KRR1: variants seen among roughly 807,000 people sequenced by gnomAD.
The protein encoded by KRR1 is KRR1 small subunit processome component, also known as KRR1 small subunit processome component homolog.
A neutral mutation model predicts 50.0 loss-of-function variants in KRR1; 23 were observed. That is an observed-to-expected ratio of 0.46 (90% CI 0.33 to 0.65). The LOEUF (loss-of-function observed/expected upper bound fraction) is 0.65. KRR1 is among the 30% of genes least tolerant of loss of function. The pLI is 0.02. For missense variants in KRR1, 419 were observed against 442.4 expected (o/e 0.95, Z 0.47); for synonymous variants, 133 against 146.3 (o/e 0.91, Z 0.66).
At chr12:75,502,285 T>C in intron 7 of KRR1, 1 of 265,314 alleles carries the variant, frequency 3.8e-6, no homozygotes, top group Non-Finnish European at 7.1e-6. Flanking sequence ...AGAGAGAGTT[T>C]TGGGGAAAAT....
chr12:75,502,121 T>C (rs2046398651), intron 7 of KRR1, 121 bp from the exon 8 acceptor site: 7 of 780,948 alleles, frequency 9.0e-6, no homozygotes, highest in Non-Finnish European at 1.5e-5. Flanking sequence ...TTAATAAAAA[T>C]GGTAGTGACA....
intron 9 of KRR1, chr12:75,501,037 A>T (rs1485907975): frequency 6.6e-6 from 1 of 152,096 alleles, no homozygotes; most frequent in Non-Finnish European, 1.5e-5. Context: ...GTCTATGTAC[A>T]ATATTGCTGG....
chr12:75,503,219 T>C (rs1287165123), intron 7 of KRR1: 1 of 152,114 alleles, frequency 6.6e-6, no homozygotes, highest in East Asian at 1.9e-4. Context: ...AATATTTCAA[T>C]AAAATGCAAT....
Position 75,506,606 on chromosome 12 carries a change from C to CT in KRR1, c.396dup (p.Val133SerfsTer7), listed in dbSNP as rs2046422910. 1 of 1,466,912 alleles carries CT rather than the reference C, an allele frequency of 6.8e-7. No homozygotes were observed. Among genetic ancestry groups the CT allele is most frequent in the African/African-American group, 1.9e-5 (1 of 53,418 alleles). 90.9% of individuals were successfully genotyped at this position (1,466,912 alleles called of 1,614,324 possible). A position where few individuals can be genotyped will look rare whatever the true frequency, so the allele number is the denominator to read the frequency against. On this transcript the variant is annotated frameshift_variant, in exon 4 of 10. Transcript: ENST00000229214. LOFTEE classifies it high-confidence loss of function. ...GCAACATCATCCTGAAGAATTCGTA[C>CT]TGCCTTTTGCAAAAAAAAAAAAAAA...
chr12:75,508,197 G>T, intron 2 of KRR1, 77 bp downstream of exon 2: 3 of 845,966 alleles, frequency 3.5e-6, no homozygotes, highest in South Asian at 2.9e-5. Flanking sequence ...AAAAAAAAAA[G>T]CATTAGCATA....
Position 75,498,607 on chromosome 12 carries a change from T to C in KRR1, c.*1202A>G. ...TAAAGCCAAAGCAAGTTAATGGTCA[T>C]AATTATAAGACTTAGCTTTTTAAAA... On this transcript the variant is annotated 3_prime_UTR_variant, in exon 10 of 10. Coordinates refer to ENST00000229214, the MANE Select transcript of KRR1 (RefSeq NM_007043.7). 2 of 1,081,330 alleles carry C rather than the reference T, an allele frequency of 1.8e-6. No homozygotes were observed. Among genetic ancestry groups the C allele is most frequent in the East Asian group, 2.4e-5 (1 of 41,516 alleles). The allele number at this position is 1,081,330 out of a possible 1,614,324, so 67.0% of individuals were successfully genotyped here.
chr12:75,504,347 A>C lies in KRR1; in HGVS notation c.661-273T>G, dbSNP rs2046412685. 1.4e-5 allele frequency: 3 copies of C among 217,462 alleles called. No homozygotes were observed. The East Asian group carries it at 3.0e-4, about 21-fold the overall frequency. 13.5% of individuals were successfully genotyped at this position (217,462 alleles called of 1,614,324 possible). A position where few individuals can be genotyped will look rare whatever the true frequency, so the allele number is the denominator to read the frequency against. On this transcript the variant is annotated intron_variant, in intron 6 of 9. Transcript: ENST00000229214. ...CAACCATTATTTCATTAAAACATTT[A>C]AAATGCCACTTATAAAAGCAGGGAG... is the stretch of plus-strand genomic sequence containing the variant.
chr12:75,501,517 T>C (rs1261665284), intron 9 of KRR1: 4 of 531,492 alleles, frequency 7.5e-6, no homozygotes, highest in Non-Finnish European at 1.3e-5. Flanking sequence ...GAGAGGACTG[T>C]CAATCCAGTT....
In KRR1 at chr12:75,498,311, A is replaced by T. The variant is rs1367987868; in HGVS notation, c.*1498T>A. On this transcript the variant is annotated 3_prime_UTR_variant, in exon 10 of 10. Coordinates refer to ENST00000229214, the MANE Select transcript of KRR1 (RefSeq NM_007043.7). The stretch of plus-strand genomic sequence containing the variant: ...GTCACTGTCTTTTCACTATGGATTC[A>T]TCATAAACAGTATCATTCTTCTCAG... The T allele has an allele frequency of 6.1e-6, 1 of 165,010 alleles. No individual in the cohort carries two copies. The highest frequency in any genetic ancestry group is 1.3e-5 in the Non-Finnish European group (1 of 76,846). 10.2% of individuals were successfully genotyped at this position (165,010 alleles called of 1,614,324 possible). A position where few individuals can be genotyped will look rare whatever the true frequency, so the allele number is the denominator to read the frequency against.
chr12:75,496,592 G>A lies in KRR1; in HGVS notation c.*3217C>T, dbSNP rs1268157986. On this transcript the variant is annotated 3_prime_UTR_variant, in exon 10 of 10. Transcript: ENST00000229214. ...GTATGTTTTTTTACCATGGTGTGAA[G>A]GGGAAACTTCAATTAAGCTGTGCAA... 6.6e-6 allele frequency: 1 copy of A among 152,068 alleles called. No homozygotes were observed. Among genetic ancestry groups the A allele is most frequent in the Non-Finnish European group, 1.5e-5 (1 of 68,012 alleles). The allele number at this position is 152,068 out of a possible 1,614,324, so 9.4% of individuals were successfully genotyped here.
Position 75,499,117 on chromosome 12 carries a change from A to G in KRR1, c.*692T>C, listed in dbSNP as rs2046372181. 5 of 507,054 alleles carry G rather than the reference A, an allele frequency of 9.9e-6. No individual in the cohort carries two copies. The highest frequency in any genetic ancestry group is 1.7e-5 in the Non-Finnish European group (5 of 298,104). 31.4% of individuals were successfully genotyped at this position (507,054 alleles called of 1,614,324 possible). On this transcript the variant is annotated 3_prime_UTR_variant, in exon 10 of 10. Transcript: ENST00000229214. ...TGTTATAGCAATACTCTTACTCAAAAGAAGAAATTTCCTAACTCTATCAGA... is the reference window on the plus strand; with the variant it reads ...TGTTATAGCAATACTCTTACTCAAAGGAAGAAATTTCCTAACTCTATCAGA...
chr12:75,510,748 C>T (rs574432280), intron 1 of KRR1, among the ~76,000 whole-genome samples: 3 of 152,190 alleles, frequency 2.0e-5, no homozygotes, highest in Admixed American at 2.0e-4. Context: ...TTTTATTAAA[C>T]TCTATATAAG....
At chr12:75,511,398 C>CTCAA in intron 1 of KRR1, 115 bp downstream of exon 1, 2 of 873,228 alleles carry the variant, frequency 2.3e-6, no homozygotes, top group Non-Finnish European at 3.7e-6. Flanking sequence ...TATTCAGGTA[C>CTCAA]TCAACTACAC....
At position 75,498,857 on chromosome 12, in the gene KRR1, T is replaced by C. The variant is rs1392430272; in HGVS notation, c.*952A>G. ...TCTGTTGTATATCCAGGCTGGCCCA[T>C]ATATCCACGTAACAGATACACTTCT... On this transcript the variant is annotated 3_prime_UTR_variant, in exon 10 of 10. Coordinates refer to ENST00000229214, the MANE Select transcript of KRR1 (RefSeq NM_007043.7). 6.2e-7 allele frequency: 1 copy of C among 1,611,774 alleles called. No homozygotes were observed. Among genetic ancestry groups the C allele is most frequent in the African/African-American group, 1.3e-5 (1 of 74,856 alleles).
chr12:75,502,305 C>CGGCAGAAAA, intron 7 of KRR1: 1 of 239,498 alleles, frequency 4.2e-6, no homozygotes. Context: ...TTTGAAGAAG[C>CGGCAGAAAA]TTCAATGGCA....
At chr12:75,502,137 G>GAAAC (rs2046398706) in intron 7 of KRR1, 137 bp from the exon 8 acceptor site, 1 of 706,060 alleles carries the variant, frequency 1.4e-6, no homozygotes, top group Admixed American at 2.4e-5. Context: ...TGACATAAAG[G>GAAAC]AAACAGAGTC....
At chr12:75,504,111 C>T (rs1363436092) in intron 6 of KRR1, 37 bp from the exon 7 acceptor site, 2 of 1,452,394 alleles carry the variant, frequency 1.4e-6, no homozygotes, top group Non-Finnish European at 1.9e-6. Context: ...TTTTACTTTC[C>T]AAAGTCACAC....
rs779958589 is a variant in KRR1, at chr12:75,499,954, A to G, written c.1004-3T>C. ...ATCAATTTTAGTTTCAGTAGAAGCT[A>G]GACAAATTAAAAGCACAACACATGT... On this transcript the variant is annotated splice_region_variant and splice_polypyrimidine_tract_variant and intron_variant, in intron 9 of 9. Coordinates refer to ENST00000229214, the MANE Select transcript of KRR1 (RefSeq NM_007043.7). 1 of 1,589,840 alleles carries G rather than the reference A, an allele frequency of 6.3e-7. No individual in the cohort carries two copies. The highest frequency in any genetic ancestry group is 8.5e-7 in the Non-Finnish European group (1 of 1,172,936).
In KRR1 at chr12:75,495,494, T is replaced by G. The variant is rs536124195; in HGVS notation, c.*4315A>C. 1 of 723,874 alleles carries G rather than the reference T, an allele frequency of 1.4e-6. No homozygotes were observed. The highest frequency in any genetic ancestry group is 1.5e-5 in the South Asian group (1 of 64,582). 44.8% of individuals were successfully genotyped at this position (723,874 alleles called of 1,614,324 possible). On this transcript the variant is annotated 3_prime_UTR_variant, in exon 10 of 10. Transcript: ENST00000229214. ...TTTGTACTTCACTCCACTATTCTTC[T>G]GGATTTAGTTAAGGATTCATAGTAA...
Sources: gnomAD v4.1 joint callset for allele counts (sites outside exome capture counted in the v4.1 genomes callset) on GRCh38, gnomAD v4.1.1 for gene constraint, MANE v1.5 for transcripts, NCBI Gene and HGNC (gene_info 2026-07-23, HGNC 2026-07-21) for gene names.